The following UNC5D variants were observed in gnomAD, a reference collection of about 807,000 sequenced individuals.
UNC5D encodes unc-5 netrin receptor D, also known as netrin receptor UNC5D.
A neutral mutation model predicts 105.4 loss-of-function variants in UNC5D; 39 were observed. The ratio of observed to expected loss-of-function variants is 0.37; its 90% CI spans 0.29 to 0.48. The LOEUF (loss-of-function observed/expected upper bound fraction) is 0.48, where lower values mean the gene tolerates loss of function less well. Among genes scored for constraint, UNC5D ranks in the 20% least tolerant of loss-of-function variants. The probability of loss-of-function intolerance (pLI) is 0.98; values close to 1 mark genes in which losing one functional copy is unlikely to be tolerated. For missense variants in UNC5D, 991 were observed against 1,202.4 expected, an observed-to-expected ratio of 0.82 and a Z score of 2.60; for synonymous variants, 452 against 450.4, an observed-to-expected ratio of 1.00 and a Z score of -0.04.
rs1817499750 is a variant in UNC5D, at chr8:35,568,372, A to G, written c.466+131A>G. The G allele has an allele frequency of 1.2e-5, 15 of 1,288,924 alleles. No individual in the cohort carries two copies. The East Asian group carries it at 3.6e-4, about 31-fold the overall frequency. 79.8% of individuals were successfully genotyped at this position (1,288,924 alleles called of 1,614,324 possible). On this transcript the variant is annotated intron_variant, in intron 3 of 16. Coordinates refer to ENST00000404895, the MANE Select transcript of UNC5D (RefSeq NM_080872.4). ...AGAGGTCTTAAATTTACTCTTCTAA[A>G]ATGTTATTTTAAAATGTTTGATAAT...
At position 35,498,084 on chromosome 8, in the gene UNC5D, C is replaced by CAA. The variant is rs58175711; in HGVS notation, c.104-51182_104-51181dup. ...AACTCCATCTCAAAACAAAACAAAA[C>CAA]AAAAAAAAAAAAAAAAAAAAAAAAA... On this transcript the variant is annotated intron_variant, in intron 1 of 16. Coordinates refer to ENST00000404895, the MANE Select transcript of UNC5D (RefSeq NM_080872.4). Among the ~76,000 whole-genome samples, 123 of 58,144 alleles carry CAA rather than the reference C, an allele frequency of 2.1e-3. 5 individuals are homozygous for CAA. The highest frequency in any genetic ancestry group is 3.2e-3 in the African/African-American group (71 of 22,124). The allele number at this position is 58,144 out of a possible 152,430, so 38.1% of individuals were successfully genotyped here.
intron 1 of UNC5D, among the ~76,000 whole-genome samples, chr8:35,530,123 T>A (rs1465804812): frequency 6.6e-6 from 1 of 151,960 alleles, no homozygotes; most frequent in Non-Finnish European, 1.5e-5. Flanking sequence ...TGTCTTGTGC[T>A]AGTTTTCAAA....
intron 1 of UNC5D, among the ~76,000 whole-genome samples, chr8:35,250,640 G>A (rs1395384146): frequency 6.6e-6 from 1 of 152,122 alleles, no homozygotes; most frequent in Non-Finnish European, 1.5e-5. Context: ...GATTACAGGT[G>A]CATGCCACCA....
rs1803090690 is a variant in UNC5D at position 35,792,560 on chromosome 8, T to G, written c.*1997T>G. 1 of 156,498 alleles carries G rather than the reference T, an allele frequency of 6.4e-6. No individual in the cohort carries two copies. The highest frequency in any genetic ancestry group is 2.4e-5 in the African/African-American group (1 of 41,452). The allele number at this position is 156,498 out of a possible 1,614,324, so 9.7% of individuals were successfully genotyped here. On this transcript the variant is annotated 3_prime_UTR_variant, in exon 17 of 17. Transcript: ENST00000404895. The stretch of plus-strand genomic sequence containing the variant: ...AAACAATAGATAAACAGCATGAAAA[T>G]GTAAATCATCTGGCATCACTGATAG...
intron 1 of UNC5D, among the ~76,000 whole-genome samples, chr8:35,408,251 TGAAG>T (rs1164326091): frequency 1.3e-5 from 2 of 152,092 alleles, no homozygotes; most frequent in African/African-American, 4.8e-5. Context: ...CAATTAAACA[TGAAG>T]GAACTAGTTT....
At chr8:35,307,737 G>A (rs529299078) in intron 1 of UNC5D, among the ~76,000 whole-genome samples, 3 of 152,250 alleles carry the variant, frequency 2.0e-5, no homozygotes, top group African/African-American at 7.2e-5. Context: ...CTTTTGGGTA[G>A]GTGAGGGGAA....
At chr8:35,468,182 T>C (rs920178970) in intron 1 of UNC5D, among the ~76,000 whole-genome samples, 1 of 152,170 alleles carries the variant, frequency 6.6e-6, no homozygotes, top group African/African-American at 2.4e-5. Context: ...CGTTTAGGGA[T>C]TGCCCTATAT....
chr8:35,768,033 TATA>T (rs1232006839), intron 15 of UNC5D, among the ~76,000 whole-genome samples: 1 of 150,236 alleles, frequency 6.7e-6, no homozygotes, highest in Non-Finnish European at 1.5e-5. Context: ...TTTATTAATA[TATA>T]AATATATATT....
intron 1 of UNC5D, among the ~76,000 whole-genome samples, chr8:35,325,566 T>C (rs1473164328): frequency 6.6e-6 from 1 of 152,160 alleles, no homozygotes; most frequent in African/African-American, 2.4e-5. Context: ...ATACCTATAG[T>C]ACTTAGTAGC....
chr8:35,497,279 G>A (rs1811660668), intron 1 of UNC5D, among the ~76,000 whole-genome samples: 1 of 152,160 alleles, frequency 6.6e-6, no homozygotes, highest in Non-Finnish European at 1.5e-5. Context: ...GTAAGGGAAG[G>A]CACCTCTGGA....
At chr8:35,351,183 T>C (rs915219259) in intron 1 of UNC5D, among the ~76,000 whole-genome samples, 1 of 152,052 alleles carries the variant, frequency 6.6e-6, no homozygotes. Context: ...CAAATACTTT[T>C]AACAGAGGCC....
intron 1 of UNC5D, among the ~76,000 whole-genome samples, chr8:35,516,984 TTC>T (rs1728076210): frequency 6.6e-6 from 1 of 152,224 alleles, no homozygotes; most frequent in Non-Finnish European, 1.5e-5. Flanking sequence ...GGTCATGCTG[TTC>T]TCTTCATTGA....
At chr8:35,734,506 G>A (rs1829361205) in intron 11 of UNC5D, among the ~76,000 whole-genome samples, 1 of 152,052 alleles carries the variant, frequency 6.6e-6, no homozygotes, top group Non-Finnish European at 1.5e-5. Flanking sequence ...CGCCTTCTGG[G>A]TTCAAGCGAT....
chr8:35,331,798 T>C (rs932750732), intron 1 of UNC5D, among the ~76,000 whole-genome samples: 2 of 152,168 alleles, frequency 1.3e-5, no homozygotes, highest in African/African-American at 2.4e-5. Flanking sequence ...CTACTGACTA[T>C]AGGACATCTG....
At chr8:35,384,308 A>AGAACAG (rs1423835594) in intron 1 of UNC5D, among the ~76,000 whole-genome samples, 1 of 152,198 alleles carries the variant, frequency 6.6e-6, no homozygotes, top group Non-Finnish European at 1.5e-5. Flanking sequence ...CACGGTATTT[A>AGAACAG]GAACAGGCTG....
intron 1 of UNC5D, among the ~76,000 whole-genome samples, chr8:35,381,043 AAGAG>A (rs1249836478): frequency 1.6e-4 from 25 of 151,556 alleles, no homozygotes; most frequent in African/African-American, 1.7e-4. Context: ...GAGAGAGAGA[AAGAG>A]AGAGAGAGTA....
intron 1 of UNC5D, chr8:35,544,605 T>TG: frequency 1.3e-6 from 2 of 1,491,640 alleles, no homozygotes; most frequent in Non-Finnish European, 1.8e-6. Context: ...GTTTTTTTTT[T>TG]TTTTTTTTTT....
rs1312419004 is a variant in UNC5D, at chr8:35,793,857, G to T, written c.*3294G>T. 6.6e-6 allele frequency: 1 copy of T among 152,216 alleles called. No homozygotes were observed. The highest frequency in any genetic ancestry group is 2.4e-5 in the African/African-American group (1 of 41,426). 9.4% of individuals were successfully genotyped at this position (152,216 alleles called of 1,614,324 possible). Reference sequence around the variant, plus strand: ...TTGACACAGTTCTCTTTAAAGAGAAGAACTTTTTTATTATTATTTTTATCT... The same window carrying T: ...TTGACACAGTTCTCTTTAAAGAGAATAACTTTTTTATTATTATTTTTATCT... On this transcript the variant is annotated 3_prime_UTR_variant, in exon 17 of 17. Transcript: ENST00000404895.
At chr8:35,484,918 A>G (rs1810730338) in intron 1 of UNC5D, among the ~76,000 whole-genome samples, 1 of 152,210 alleles carries the variant, frequency 6.6e-6, no homozygotes, top group Non-Finnish European at 1.5e-5. Context: ...CAGAGCCAAG[A>G]TTCTAACCCA....
Sources: allele counts gnomAD v4.1 joint callset (sites outside exome capture counted in the v4.1 genomes callset), GRCh38; gene constraint gnomAD v4.1.1; transcripts MANE v1.5; gene names NCBI Gene and HGNC (gene_info 2026-07-23, HGNC 2026-07-21).